Variants in KIAA1217 observed in about 807,000 individuals in gnomAD.
KIAA1217 encodes KIAA1217, also known as sickle tail protein homolog.
A neutral mutation model predicts 163.9 loss-of-function variants in KIAA1217; 88 were observed. That is an observed-to-expected ratio of 0.54 (90% CI 0.45 to 0.64). KIAA1217 has a LOEUF of 0.64. Ranked by LOEUF, KIAA1217 falls within the 30% of genes least tolerant of loss-of-function variation. The pLI is 0.00. For missense variants in KIAA1217, 2,372 were observed against 2,475.0 expected (o/e 0.96, Z 0.88); for synonymous variants, 903 against 923.1 (o/e 0.98, Z 0.39).
chr10:24,082,678 C>G (rs996334164), intron 2 of KIAA1217, among the ~76,000 whole-genome samples: 9 of 152,144 alleles, frequency 5.9e-5, no homozygotes, highest in African/African-American at 2.2e-4. Context: ...CACATCTTTG[C>G]TATTGTGAAT....
At chr10:23,849,843 A>G (rs1036376683) in intron 1 of KIAA1217, among the ~76,000 whole-genome samples, 1 of 151,960 alleles carries the variant, frequency 6.6e-6, no homozygotes, top group Non-Finnish European at 1.5e-5. Context: ...TCCCAATGTG[A>G]CCGTCTTTGA....
At chr10:24,119,778 T>C (rs1319423188) in intron 2 of KIAA1217, among the ~76,000 whole-genome samples, 3 of 152,208 alleles carry the variant, frequency 2.0e-5, no homozygotes, top group Non-Finnish European at 2.9e-5. Flanking sequence ...ATGCTACCTC[T>C]CCCAGCAGTT....
chr10:24,292,742 A>G (rs1212474252), intron 2 of KIAA1217, among the ~76,000 whole-genome samples: 1 of 152,152 alleles, frequency 6.6e-6, no homozygotes, highest in Non-Finnish European at 1.5e-5. Flanking sequence ...CTGTTTCAAG[A>G]GTTTCCACGG....
intron 2 of KIAA1217, among the ~76,000 whole-genome samples, chr10:24,227,827 C>T (rs1265372664): frequency 1.3e-5 from 2 of 152,144 alleles, no homozygotes; most frequent in African/African-American, 2.4e-5. Flanking sequence ...CCACTGCGCC[C>T]GGCCAATATG....
chr10:24,095,367 C>T (rs1012529015), intron 2 of KIAA1217, among the ~76,000 whole-genome samples: 2 of 152,150 alleles, frequency 1.3e-5, no homozygotes, highest in East Asian at 1.9e-4. Flanking sequence ...TGTTCCTATT[C>T]GGCCATCATG....
chr10:24,251,348 T>C lies in KIAA1217; in HGVS notation c.354+31439T>C, dbSNP rs188511034. On this transcript the variant is annotated intron_variant, in intron 2 of 20. Transcript: ENST00000376454. ...TTGGGAGATCAAGGCTGCAGTGAGC[T>C]GTGATTGTAACTACTGCATTCTAGC... 1.1e-3 allele frequency among the ~76,000 whole-genome samples: 159 copies of C among 145,196 alleles called. 1 individual carries two copies. The highest frequency in any genetic ancestry group is 9.2e-4 in the Non-Finnish European group (62 of 67,188).
chr10:24,007,242 C>G (rs1033591866), exon 2 of KIAA1217: 1 of 151,782 alleles, frequency 6.6e-6, no homozygotes, highest in Non-Finnish European at 1.5e-5. Flanking sequence ...TCCTGGGGTC[C>G]TAAATTTGTG....
At chr10:24,062,981 G>A (rs2060790962) in intron 2 of KIAA1217, among the ~76,000 whole-genome samples, 1 of 151,910 alleles carries the variant, frequency 6.6e-6, no homozygotes, top group Non-Finnish European at 1.5e-5. Context: ...ACTTTTCGAT[G>A]GGGTTGTTTT....
intron 1 of KIAA1217, among the ~76,000 whole-genome samples, chr10:23,884,238 G>A (rs1469838436): frequency 1.3e-5 from 2 of 151,916 alleles, no homozygotes; most frequent in African/African-American, 2.4e-5. Context: ...CAATGAATGA[G>A]AGTTCCTATT....
At chr10:24,522,864 A>G (rs1011645695) in intron 12 of KIAA1217, among the ~76,000 whole-genome samples, 2 of 152,104 alleles carry the variant, frequency 1.3e-5, no homozygotes, top group African/African-American at 2.4e-5. Flanking sequence ...AATCCCAGCT[A>G]CTTGGGAGGC....
At chr10:23,832,871 C>T (rs140984109) in intron 1 of KIAA1217, among the ~76,000 whole-genome samples, 5 of 151,986 alleles carry the variant, frequency 3.3e-5, no homozygotes, top group South Asian at 2.1e-4. Flanking sequence ...TGGCAGAAGG[C>T]GAAAGGAAGA....
At chr10:24,437,210 C>A (rs2060116183) in intron 4 of KIAA1217, among the ~76,000 whole-genome samples, 6 of 152,214 alleles carry the variant, frequency 3.9e-5, no homozygotes, top group Admixed American at 3.3e-4. Context: ...TGAAACCCCA[C>A]ATCCTTACCT....
chr10:24,034,137 G>A (rs1848297866), intron 2 of KIAA1217, among the ~76,000 whole-genome samples: 1 of 152,196 alleles, frequency 6.6e-6, no homozygotes, highest in Non-Finnish European at 1.5e-5. Flanking sequence ...ATTGTTGGAA[G>A]AACCCTGTAA....
intron 2 of KIAA1217, among the ~76,000 whole-genome samples, chr10:24,147,191 T>C (rs962643764): frequency 2.6e-5 from 4 of 152,148 alleles, no homozygotes; most frequent in African/African-American, 9.7e-5. Context: ...TTCTACCATG[T>C]TTTCATTGCA....
intron 2 of KIAA1217, among the ~76,000 whole-genome samples, chr10:24,360,908 T>A (rs1206380320): frequency 6.6e-6 from 1 of 152,138 alleles, no homozygotes; most frequent in Non-Finnish European, 1.5e-5. Context: ...GTTTTTTTTT[T>A]TTGGAGGTAG....
intron 2 of KIAA1217, among the ~76,000 whole-genome samples, chr10:24,077,878 C>T (rs2061417847): frequency 6.6e-6 from 1 of 152,160 alleles, no homozygotes; most frequent in African/African-American, 2.4e-5. Flanking sequence ...TTTATAATAG[C>T]CATTCTGACT....
At chr10:24,454,718 T>G (rs2061636013) in intron 5 of KIAA1217, among the ~76,000 whole-genome samples, 1 of 152,122 alleles carries the variant, frequency 6.6e-6, no homozygotes. Flanking sequence ...ATAGAACATG[T>G]TGTAGATGGT....
At chr10:23,798,953 G>A (rs1836340982) in intron 1 of KIAA1217, among the ~76,000 whole-genome samples, 1 of 152,174 alleles carries the variant, frequency 6.6e-6, no homozygotes, top group African/African-American at 2.4e-5. Context: ...TCACATTTCT[G>A]GAGGCTAGAA....
chr10:23,933,303 G>A (rs887344647), intron 1 of KIAA1217, among the ~76,000 whole-genome samples: 7 of 152,092 alleles, frequency 4.6e-5, no homozygotes, highest in African/African-American at 7.2e-5. Flanking sequence ...CATCTTTACC[G>A]GAAGGGTGCG....
Sources: gnomAD v4.1 joint callset for allele counts (sites outside exome capture counted in the v4.1 genomes callset) on GRCh38, gnomAD v4.1.1 for gene constraint, MANE v1.5 for transcripts, NCBI Gene and HGNC (gene_info 2026-07-23, HGNC 2026-07-21) for gene names.